Variants in NARS1 observed in about 807,000 individuals in gnomAD.
NARS1 encodes the protein asparaginyl-tRNA synthetase 1.
In NARS1, 65 loss-of-function variants were observed where a neutral mutation model predicts 79.2. The ratio of observed to expected loss-of-function variants is 0.82; its 90% CI spans 0.67 to 1.01. The LOEUF (loss-of-function observed/expected upper bound fraction) is 1.01, where lower values mean the gene tolerates loss of function less well. Among genes scored for constraint, NARS1 ranks in the 50% least tolerant of loss-of-function variants. The probability of loss-of-function intolerance (pLI) is 0.00; values close to 1 mark genes in which losing one functional copy is unlikely to be tolerated. For missense variants in NARS1, 649 were observed against 673.8 expected, an observed-to-expected ratio of 0.96 and a Z score of 0.41; for synonymous variants, 229 against 238.8, an observed-to-expected ratio of 0.96 and a Z score of 0.38.
intron 7 of NARS1, among the ~76,000 whole-genome samples, 195 bp from the exon 8 acceptor site, chr18:57,607,860 C>T (rs997895876): frequency 6.7e-6 from 1 of 149,466 alleles, no homozygotes. Context: ...CTCACATACA[C>T]ACAAATATCT....
At position 57,621,769 on chromosome 18, in the gene NARS1, C is replaced by T; in HGVS notation, c.-52G>A. 10 of 1,613,326 alleles carry T rather than the reference C, an allele frequency of 6.2e-6. No individual in the cohort carries two copies. The highest frequency in any genetic ancestry group is 8.5e-6 in the Non-Finnish European group (10 of 1,179,890). On this transcript the variant is annotated 5_prime_UTR_variant, in exon 1 of 14. Transcript: ENST00000256854. ...AGGACACAGACTGCAACACCGACGC[C>T]GTCTTATGACTCCAACGTGCACCGG...
intron 6 of NARS1, among the ~76,000 whole-genome samples, chr18:57,610,499 A>G (rs924397526): frequency 6.6e-6 from 1 of 152,068 alleles, no homozygotes; most frequent in East Asian, 1.9e-4. Context: ...AGACAACCAC[A>G]CCTTACATGC....
intron 9 of NARS1, 55 bp from the exon 10 acceptor site, chr18:57,606,806 C>T: frequency 6.2e-7 from 1 of 1,602,130 alleles, no homozygotes; most frequent in Non-Finnish European, 8.5e-7. Context: ...GGTTTTTTAT[C>T]CAGCAAGGCT....
intron 2 of NARS1, among the ~76,000 whole-genome samples, chr18:57,619,965 G>A (rs555358553): frequency 1.3e-5 from 2 of 152,306 alleles, no homozygotes; most frequent in South Asian, 4.1e-4. Flanking sequence ...TGAGATTATA[G>A]GCGTGAGCCA....
intron 13 of NARS1, 120 bp from the exon 14 acceptor site, chr18:57,601,903 T>G: frequency 9.5e-7 from 1 of 1,048,708 alleles, no homozygotes; most frequent in Non-Finnish European, 1.4e-6. Context: ...AATTCAACTA[T>G]GGCCAGATTC....
chr18:57,615,965 G>C lies in NARS1; in HGVS notation c.104C>G (p.Thr35Arg), dbSNP rs145631885. The C allele has an allele frequency of 3.1e-6, 5 of 1,606,252 alleles. No individual in the cohort carries two copies. Among genetic ancestry groups the C allele is most frequent in the Non-Finnish European group, 4.2e-6 (5 of 1,177,158 alleles). The change falls in exon 3 of 14, where the codon ACA becomes AGA. Residue 35 changes from threonine to arginine, a missense_variant. By Grantham distance (71) the Thr-to-Arg change is moderately conservative. Coordinates refer to ENST00000256854, the MANE Select transcript of NARS1 (RefSeq NM_004539.4). Reference sequence around the variant, plus strand: ...GGTAGGAAATGGTTCTTTCCCTACTGTCATCAAAGCCTTGGGTAGGGAGGA... The same window carrying C: ...GGTAGGAAATGGTTCTTTCCCTACTCTCATCAAAGCCTTGGGTAGGGAGGA... ...PFKTGLKALM[T>R]VGKEPFPTIY...
In NARS1 at chr18:57,607,233, TGA is replaced by T; in HGVS notation, c.900_901del (p.Gln301ValfsTer33). The T allele has an allele frequency of 6.2e-7, 1 of 1,614,074 alleles. No individual in the cohort carries two copies. The highest frequency in any genetic ancestry group is 1.1e-5 in the South Asian group (1 of 91,074). ...TGGGAGGCAGGTCTCCAAGTACAACTGAGAGGATTGAGTCAAAAATGCCTCTT... is the reference window on the plus strand; with the variant it reads ...TGGGAGGCAGGTCTCCAAGTACAACTGAGGATTGAGTCAAAAATGCCTCTT... On this transcript the variant is annotated frameshift_variant, in exon 9 of 14. Coordinates refer to ENST00000256854, the MANE Select transcript of NARS1 (RefSeq NM_004539.4). LOFTEE classifies it high-confidence loss of function.
chr18:57,613,211 G>A (rs1272193663), intron 5 of NARS1, among the ~76,000 whole-genome samples: 2 of 150,780 alleles, frequency 1.3e-5, no homozygotes, highest in African/African-American at 4.9e-5. Flanking sequence ...AAAAAAAAGA[G>A]GGCCGGGCGC....
chr18:57,613,784 T>C, intron 4 of NARS1, 104 bp from the exon 5 acceptor site: 1 of 929,894 alleles, frequency 1.1e-6, no homozygotes, highest in Non-Finnish European at 1.7e-6. Context: ...AAATCACAAA[T>C]GGTGCAAAAC....
Position 57,611,619 on chromosome 18 carries a change from A to G in NARS1, c.492+18T>C, listed in dbSNP as rs374614091. 19 of 1,544,020 alleles carry G rather than the reference A, an allele frequency of 1.2e-5. No homozygotes were observed. Among genetic ancestry groups the G allele is most frequent in the Non-Finnish European group, 1.7e-5 (19 of 1,130,054 alleles). ...GAAAACATCTAATTTTCAGGCATAA[A>G]TAAGAGAAAATATTTACCAACTCAT... On this transcript the variant is annotated intron_variant, in intron 6 of 13. Transcript: ENST00000256854.
At chr18:57,602,511 A>G (rs749025522) in intron 12 of NARS1, 25 bp from the exon 13 acceptor site, 11 of 1,612,770 alleles carry the variant, frequency 6.8e-6, no homozygotes, top group Non-Finnish European at 8.5e-6. Flanking sequence ...GAAAGAAGAT[A>G]CACAATTACT....
At position 57,604,391 on chromosome 18, in the gene NARS1, A is replaced by T. The variant is rs906856018; in HGVS notation, c.1252-1448T>A. 1.2e-4 allele frequency among the ~76,000 whole-genome samples: 17 copies of T among 142,740 alleles called. No individual in the cohort carries two copies. In the East Asian group the frequency reaches 1.8e-3, roughly 15 times the overall value. The allele number at this position is 142,740 out of a possible 152,430, so 93.6% of individuals were successfully genotyped here. ...AACACAGCAATACCTCCATCTCTTTAAAAAAAAAAAACCAAAAAACCAAAC... is the reference window on the plus strand; with the variant it reads ...AACACAGCAATACCTCCATCTCTTTTAAAAAAAAAAACCAAAAAACCAAAC... On this transcript the variant is annotated intron_variant, in intron 11 of 13. Coordinates refer to ENST00000256854, the MANE Select transcript of NARS1 (RefSeq NM_004539.4).
chr18:57,614,828 C>T (rs547991061), intron 4 of NARS1, among the ~76,000 whole-genome samples: 11 of 152,230 alleles, frequency 7.2e-5, no homozygotes, highest in Non-Finnish European at 1.5e-4. Context: ...ATAAAATGAA[C>T]CCCTAAAGAA....
intron 11 of NARS1, among the ~76,000 whole-genome samples, chr18:57,603,573 C>G (rs1161927497): frequency 6.6e-6 from 1 of 152,226 alleles, no homozygotes; most frequent in Non-Finnish European, 1.5e-5. Context: ...GCATCAGTTT[C>G]TCTCTCAAAA....
At chr18:57,616,119 T>C (rs888221149) in intron 2 of NARS1, 144 bp from the exon 3 acceptor site, 29 of 751,130 alleles carry the variant, frequency 3.9e-5, no homozygotes, top group Non-Finnish European at 5.0e-5. Flanking sequence ...CAGTGACTGG[T>C]TGAACATTTA....
At chr18:57,608,145 C>T (rs2051576086) in intron 7 of NARS1, among the ~76,000 whole-genome samples, 1 of 151,968 alleles carries the variant, frequency 6.6e-6, no homozygotes, top group African/African-American at 2.4e-5. Flanking sequence ...GGATTACAGG[C>T]ATGAGCCACC....
chr18:57,620,399 T>C (rs185650354), intron 2 of NARS1, among the ~76,000 whole-genome samples, 170 bp downstream of exon 2: 43 of 152,356 alleles, frequency 2.8e-4, no homozygotes, highest in African/African-American at 1.0e-3. Context: ...TAGACTTTGA[T>C]CATCTAACAA....
chr18:57,612,655 T>C (rs1388149136), intron 5 of NARS1, among the ~76,000 whole-genome samples: 2 of 152,202 alleles, frequency 1.3e-5, no homozygotes, highest in Non-Finnish European at 1.5e-5. Context: ...AGGCTGGTCT[T>C]GAACTCCTGA....
At chr18:57,603,957 G>A (rs1449410483) in intron 11 of NARS1, among the ~76,000 whole-genome samples, 1 of 152,228 alleles carries the variant, frequency 6.6e-6, no homozygotes, top group East Asian at 1.9e-4. Flanking sequence ...CAGTAGCAAT[G>A]TATAGTAAAT....
Sources: allele counts gnomAD v4.1 joint callset (sites outside exome capture counted in the v4.1 genomes callset), GRCh38; gene constraint gnomAD v4.1.1; transcripts MANE v1.5; gene names NCBI Gene and HGNC (gene_info 2026-07-23, HGNC 2026-07-21).